Variants in AGAP3 observed in about 807,000 individuals in gnomAD.
AGAP3 encodes the protein ArfGAP with GTPase domain, ankyrin repeat and PH domain 3, also known as arf-GAP with GTPase, ANK repeat and PH domain-containing protein 3.
In AGAP3, 24 loss-of-function variants were observed where a neutral mutation model predicts 96.9. The ratio of observed to expected loss-of-function variants is 0.25; its 90% CI spans 0.18 to 0.35. The LOEUF (loss-of-function observed/expected upper bound fraction) is 0.35, where lower values mean the gene tolerates loss of function less well. Ranked by LOEUF, AGAP3 falls within the 10% of genes least tolerant of loss-of-function variation. AGAP3 has a pLI of 1.00. For missense variants in AGAP3, 876 were observed against 1,254.2 expected (o/e 0.70, Z 4.55); for synonymous variants, 563 against 536.1 (o/e 1.05, Z -0.69).
At chr7:151,087,888 T>C (rs1798224313) in intron 1 of AGAP3, among the ~76,000 whole-genome samples, 1 of 152,248 alleles carries the variant, frequency 6.6e-6, no homozygotes, top group Non-Finnish European at 1.5e-5. Context: ...TCGCAAGCCC[T>C]GGTGTGGTGG....
At position 151,108,008 on chromosome 7, in the gene AGAP3, T is replaced by C. The variant is rs1200917997; in HGVS notation, c.332-8785T>C. ...GATCCTCTGGCACGGCACCGGCCCATGCGGGGGGTGCAGCACATGCTGGTC... is the reference window on the plus strand; with the variant it reads ...GATCCTCTGGCACGGCACCGGCCCACGCGGGGGGTGCAGCACATGCTGGTC... On this transcript the variant is annotated intron_variant, in intron 1 of 17. Coordinates refer to ENST00000397238, the MANE Select transcript of AGAP3 (RefSeq NM_031946.7). The surrounding 1 kb of genome is among the most constrained non-coding windows in gnomAD (Gnocchi z 4.2). 6.6e-6 allele frequency among the ~76,000 whole-genome samples: 1 copy of C among 152,150 alleles called. No homozygotes were observed. Among genetic ancestry groups the C allele is most frequent in the East Asian group, 1.9e-4 (1 of 5,174 alleles).
chr7:151,091,963 C>A (rs1360246829), intron 1 of AGAP3, among the ~76,000 whole-genome samples: 1 of 150,844 alleles, frequency 6.6e-6, no homozygotes, highest in African/African-American at 2.4e-5. Context: ...GCTCTCGGAA[C>A]GGCAAGTTGG....
At chr7:151,136,252 T>C (rs1800588352) in intron 11 of AGAP3, 1 of 152,204 alleles carries the variant, frequency 6.6e-6, no homozygotes, top group African/African-American at 2.4e-5. Context: ...AGCTGGGCTG[T>C]TTCCCTAGAG....
In AGAP3 at chr7:151,128,588, G is replaced by A. The variant is rs201843530; in HGVS notation, c.1230G>A (p.Leu410=). 1 of 1,613,718 alleles carries A rather than the reference G, an allele frequency of 6.2e-7. No homozygotes were observed. Among genetic ancestry groups the A allele is most frequent in the Non-Finnish European group, 8.5e-7 (1 of 1,179,892 alleles). ...CAGACCTCTGTTCTCAGGGGATCCT[G>A]CTAAAGCGGAGCGGCAAGTCCCTGA... is the stretch of plus-strand genomic sequence containing the variant. ...GRAIPIKQGI[L]LKRSGKSLNK... Residue 410 remains leucine, a synonymous_variant, in exon 10 of 18, where the codon CTG becomes CTA. Coordinates refer to ENST00000397238, the MANE Select transcript of AGAP3 (RefSeq NM_031946.7).
chr7:151,135,556 A>G (rs1800559598), intron 11 of AGAP3, among the ~76,000 whole-genome samples: 1 of 152,238 alleles, frequency 6.6e-6, no homozygotes, highest in Admixed American at 6.5e-5. Flanking sequence ...GACTCCGCTG[A>G]GAAAGCCCAG....
chr7:151,117,656 A>C lies in AGAP3; in HGVS notation c.585A>C (p.Ala195=). 6.2e-7 allele frequency: 1 copy of C among 1,614,176 alleles called. No homozygotes were observed. Among genetic ancestry groups the C allele is most frequent in the Non-Finnish European group, 8.5e-7 (1 of 1,179,986 alleles). Residue 195 remains alanine, a synonymous_variant, in exon 5 of 18, where the codon GCA becomes GCC. Transcript: ENST00000397238. The part of the protein sequence containing the change: ...PELQFAAWVD[A]VVFVFSLEDE... The stretch of plus-strand genomic sequence containing the variant: ...CCTAGTTTGCTGCCTGGGTGGATGC[A>C]GTGGTGTTTGTGTTCAGCCTGGAGG...
chr7:151,134,559 G>T lies in AGAP3; in HGVS notation c.1486G>T (p.Gly496Trp). 6.2e-7 allele frequency: 1 copy of T among 1,608,790 alleles called. No individual in the cohort carries two copies. The highest frequency in any genetic ancestry group is 8.5e-7 in the Non-Finnish European group (1 of 1,177,194). The change falls in exon 11 of 18, where the codon GGG (glycine) becomes TGG (tryptophan). Residue 496 changes from glycine (G) to tryptophan (W), a missense_variant. Physicochemically the swap from Gly to Trp is radical, Grantham distance 184. Coordinates refer to ENST00000397238, the MANE Select transcript of AGAP3 (RefSeq NM_031946.7). ...GGAGCGGAGTAACACACAGCTGGGTGGGGGCACAGGTGAGGCGGCTGCTGA... is the reference window on the plus strand; with the variant it reads ...GGAGCGGAGTAACACACAGCTGGGTTGGGGCACAGGTGAGGCGGCTGCTGA... The part of the protein sequence containing the change: ...SVERSNTQLG[G>W]GTGAPHSASS...
rs1270488301 is a variant in AGAP3 at position 151,140,634 on chromosome 7, C to T, written c.1804+518C>T. 3 of 152,224 alleles carry T rather than the reference C, an allele frequency of 2.0e-5. No individual in the cohort carries two copies. The highest frequency in any genetic ancestry group is 7.2e-5 in the African/African-American group (3 of 41,422). 9.4% of individuals were successfully genotyped at this position (152,224 alleles called of 1,614,324 possible). On this transcript the variant is annotated intron_variant, in intron 13 of 17. Transcript: ENST00000397238. This position sits in a 1 kb window ranked among gnomAD's most constrained non-coding sequence, Gnocchi z 5.4. ...CTCAAAGTATCTTCAAAACCTCCCT[C>T]TTCTTGGTGATTGGAGTTTCTTTGC...
intron 10 of AGAP3, among the ~76,000 whole-genome samples, chr7:151,130,728 G>A (rs1375161577): frequency 2.0e-5 from 3 of 152,136 alleles, no homozygotes; most frequent in Non-Finnish European, 4.4e-5. Flanking sequence ...GCAAAAGCAC[G>A]AGTGGAGGCA....
intron 8 of AGAP3, among the ~76,000 whole-genome samples, chr7:151,122,524 C>T (rs1390744347): frequency 6.6e-6 from 1 of 151,642 alleles, no homozygotes; most frequent in East Asian, 2.0e-4. Context: ...CCGCCGCCTC[C>T]TCCTCCTCCT....
intron 7 of AGAP3, among the ~76,000 whole-genome samples, chr7:151,119,586 A>G (rs566607228): frequency 6.6e-6 from 1 of 152,236 alleles, no homozygotes; most frequent in East Asian, 1.9e-4. Context: ...CTAAACATAC[A>G]TACCTGAATG....
chr7:151,142,360 C>T lies in AGAP3; in HGVS notation c.2051-52C>T, dbSNP rs1392991427. ...AGGGAAGCCTTCCCTAGTTGTCCCG[C>T]GCTCTGGTGGCCTGCCTGCTGTCGC... On this transcript the variant is annotated intron_variant, in intron 15 of 17. Transcript: ENST00000397238. The surrounding 1 kb of genome is among the most constrained non-coding windows in gnomAD (Gnocchi z 7.5). The T allele has an allele frequency of 2.6e-5, 41 of 1,597,978 alleles. No individual in the cohort carries two copies. In the Admixed American group the frequency reaches 2.7e-4, roughly 10 times the overall value.
intron 10 of AGAP3, 73 bp from the exon 11 acceptor site, chr7:151,134,327 G>C: frequency 6.5e-7 from 1 of 1,535,970 alleles, no homozygotes; most frequent in Non-Finnish European, 9.0e-7. Context: ...GAGAGACCTA[G>C]GAGTTGCAAG....
chr7:151,128,148 C>G (rs1800254639), intron 9 of AGAP3, among the ~76,000 whole-genome samples: 1 of 152,102 alleles, frequency 6.6e-6, no homozygotes, highest in Non-Finnish European at 1.5e-5. Flanking sequence ...AAAATCTCTG[C>G]TGTTTTGACC....
chr7:151,092,172 G>A (rs1798424268), intron 1 of AGAP3, among the ~76,000 whole-genome samples: 1 of 152,196 alleles, frequency 6.6e-6, no homozygotes, highest in Non-Finnish European at 1.5e-5. Context: ...AGCCACGCCA[G>A]CATCCACACC....
chr7:151,091,286 A>G (rs1191605414), intron 1 of AGAP3, among the ~76,000 whole-genome samples: 3 of 152,158 alleles, frequency 2.0e-5, no homozygotes, highest in African/African-American at 7.2e-5. Context: ...CCCTCTGGCA[A>G]TTCGTTGGTT....
intron 11 of AGAP3, 31 bp downstream of exon 11, chr7:151,134,599 G>T (rs1563517162): frequency 1.3e-6 from 2 of 1,570,662 alleles, no homozygotes; most frequent in South Asian, 2.3e-5. Flanking sequence ...GGGGCCTGGG[G>T]GGTGGCTGCC....
chr7:151,117,883 T>C, intron 5 of AGAP3, 106 bp downstream of exon 5: 1 of 1,426,100 alleles, frequency 7.0e-7, no homozygotes, highest in South Asian at 1.4e-5. Context: ...CCCCTACTCT[T>C]TTCCCAGTGC....
intron 8 of AGAP3, chr7:151,122,818 G>T: frequency 6.2e-7 from 1 of 1,613,444 alleles, no homozygotes; most frequent in Non-Finnish European, 8.5e-7. Context: ...AGCACCTCTG[G>T]ACATGCCCCC....
Sources: allele counts gnomAD v4.1 joint callset (sites outside exome capture counted in the v4.1 genomes callset), GRCh38; gene constraint gnomAD v4.1.1; non-coding constraint Gnocchi (gnomAD v3.1); transcripts MANE v1.5; gene names NCBI Gene and HGNC (gene_info 2026-07-23, HGNC 2026-07-21).